Variants in TACO1 observed in about 807,000 individuals in gnomAD.
The protein encoded by TACO1 is translational activator of cytochrome c oxidase I.
TACO1 carries 13 observed loss-of-function variants against 24.0 expected under a neutral mutation model. That is an observed-to-expected ratio of 0.54 (90% confidence interval 0.35 to 0.86). The LOEUF (loss-of-function observed/expected upper bound fraction) is 0.86. Among genes scored for constraint, TACO1 ranks in the 40% least tolerant of loss-of-function variants. The pLI, the probability that TACO1 is intolerant of heterozygous loss-of-function variation, is 0.01. For missense variants in TACO1, 352 were observed against 380.1 expected (o/e 0.93, Z 0.61); for synonymous variants, 149 against 153.5 (o/e 0.97, Z 0.22).
At position 63,604,523 on chromosome 17, in the gene TACO1, T is replaced by G; in HGVS notation, c.281-11T>G. ...TGCTCACTCTTTTTTTTCTTTTTCT[T>G]TAAATCTCAGAAGGAGGCCCCAACC... On this transcript the variant is annotated splice_polypyrimidine_tract_variant and intron_variant, in intron 1 of 4. Coordinates refer to ENST00000258975, the MANE Select transcript of TACO1 (RefSeq NM_016360.4). 6.2e-7 allele frequency: 1 copy of G among 1,611,972 alleles called. No homozygotes were observed. Among genetic ancestry groups the G allele is most frequent in the Non-Finnish European group, 8.5e-7 (1 of 1,178,116 alleles).
At position 63,604,580 on chromosome 17, in the gene TACO1, A is replaced by G. The variant is rs149794197; in HGVS notation, c.327A>G (p.Leu109=). ...PEHNSNLANI[L]EVCRSKHMPK... ...ACAACAGCAACCTGGCCAATATCTTAGAGGTGTGTCGCAGCAAACATATGC... is the reference window on the plus strand; with the variant it reads ...ACAACAGCAACCTGGCCAATATCTTGGAGGTGTGTCGCAGCAAACATATGC... The change falls in exon 2 of 5, where the codon TTA becomes TTG. Residue 109 remains leucine (L), a synonymous_variant. Transcript: ENST00000258975. 2.4e-4 allele frequency: 384 copies of G among 1,614,134 alleles called. 5 individuals carry two copies. In the South Asian group the frequency reaches 2.4e-3, roughly 10 times the overall value.
chr17:63,607,699 A>T (rs1167914493), intron 4 of TACO1, 103 bp from the exon 5 acceptor site: 7 of 1,170,886 alleles, frequency 6.0e-6, no homozygotes, highest in Non-Finnish European at 7.6e-6. Context: ...GCTCAAACCC[A>T]GTGATCCATT....
At chr17:63,603,175 G>A (rs774290126) in intron 1 of TACO1, among the ~76,000 whole-genome samples, 2 of 152,020 alleles carry the variant, frequency 1.3e-5, no homozygotes, top group Non-Finnish European at 2.9e-5. Context: ...GGCGGCGCTT[G>A]CAGTGAGCCG....
chr17:63,608,073 G>A lies in TACO1; in HGVS notation c.*71G>A. ...CCATTCCAGCACACAGGCTTCTGCA[G>A]CAATCTCTGAGGGTAAAGCCGGTGG... is the stretch of plus-strand genomic sequence containing the variant. On this transcript the variant is annotated 3_prime_UTR_variant, in exon 5 of 5. Coordinates refer to ENST00000258975, the MANE Select transcript of TACO1 (RefSeq NM_016360.4). 1.3e-6 allele frequency: 2 copies of A among 1,556,652 alleles called. No individual in the cohort carries two copies. Among genetic ancestry groups the A allele is most frequent in the Non-Finnish European group, 1.8e-6 (2 of 1,136,460 alleles).
chr17:63,601,590 G>C lies in TACO1; in HGVS notation c.280+227G>C, dbSNP rs542127082. Among the ~76,000 whole-genome samples, 4 of 152,336 alleles carry C rather than the reference G, an allele frequency of 2.6e-5. No individual in the cohort carries two copies. In the East Asian group the frequency reaches 5.8e-4, roughly 22 times the overall value. ...GAGCATCTGGCCAGTTTGTCAGAGA[G>C]GGAGCTGCTCTTAAGAAGATAAGCC... On this transcript the variant is annotated intron_variant, in intron 1 of 4. Coordinates refer to ENST00000258975, the MANE Select transcript of TACO1 (RefSeq NM_016360.4).
chr17:63,606,281 A>G, intron 2 of TACO1, 32 bp from the exon 3 acceptor site: 1 of 1,612,404 alleles, frequency 6.2e-7, no homozygotes. Context: ...GAATTGGGAA[A>G]CAGGAAAATG....
In TACO1 at chr17:63,600,899, C is replaced by A. The variant is rs2033814237; in HGVS notation, c.-185C>A. 1 of 624,806 alleles carries A rather than the reference C, an allele frequency of 1.6e-6. No individual in the cohort carries two copies. Among genetic ancestry groups the A allele is most frequent in the Non-Finnish European group, 2.7e-6 (1 of 368,520 alleles). 38.7% of individuals were successfully genotyped at this position (624,806 alleles called of 1,614,324 possible). The stretch of plus-strand genomic sequence containing the variant: ...GCTACGCCATCAAGGGCCCCCAGTC[C>A]CGGGTGCCGCGGGGACAGTGTAGGG... On this transcript the variant is annotated 5_prime_UTR_variant, in exon 1 of 5. Coordinates refer to ENST00000258975, the MANE Select transcript of TACO1 (RefSeq NM_016360.4).
At chr17:63,607,551 G>A (rs149540918) in intron 4 of TACO1, 87 bp downstream of exon 4, 7 of 1,383,716 alleles carry the variant, frequency 5.1e-6, no homozygotes, top group Middle Eastern at 1.8e-4. Context: ...CTTCCTTCAT[G>A]TGCCCCAGGG....
At position 63,608,178 on chromosome 17, in the gene TACO1, GTCAGC is replaced by G; in HGVS notation, c.*179_*183del. On this transcript the variant is annotated 3_prime_UTR_variant, in exon 5 of 5. Coordinates refer to ENST00000258975, the MANE Select transcript of TACO1 (RefSeq NM_016360.4). ...GGAATCTCACTTGTGGGGCCTCCTT[GTCAGC>G]TCTGCTGCTGTCTCAGAGCCATCTG... The G allele has an allele frequency of 1.4e-6, 1 of 711,014 alleles. No homozygotes were observed. The highest frequency in any genetic ancestry group is 2.5e-6 in the Non-Finnish European group (1 of 407,352). The allele number at this position is 711,014 out of a possible 1,614,324, so 44.0% of individuals were successfully genotyped here. A position where few individuals can be genotyped will look rare whatever the true frequency, so the allele number is the denominator to read the frequency against.
Position 63,604,680 on chromosome 17 carries a change from C to G in TACO1, c.387+40C>G. 3 of 1,567,092 alleles carry G rather than the reference C, an allele frequency of 1.9e-6. 1 individual carries two copies. The South Asian group carries it at 3.3e-5, about 17-fold the overall frequency. On this transcript the variant is annotated intron_variant, in intron 2 of 4. Transcript: ENST00000258975. ...ACATGCTTTTTATTGATCACAGCCTCTACCGGGCTCATGTCTGGATGGCCA... is the reference window on the plus strand; with the variant it reads ...ACATGCTTTTTATTGATCACAGCCTGTACCGGGCTCATGTCTGGATGGCCA...
chr17:63,607,123 T>C (rs140349732), intron 3 of TACO1, 164 bp from the exon 4 acceptor site: 24 of 721,732 alleles, frequency 3.3e-5, no homozygotes, highest in Non-Finnish European at 4.6e-5. Context: ...GCTGTTCCCT[T>C]ACCCAGCAGC....
Position 63,601,096 on chromosome 17 carries a change from G to A in TACO1, c.13G>A (p.Ala5Thr). The change falls in exon 1 of 5, where the codon GCT (alanine) becomes ACT (threonine). Residue 5 changes from alanine to threonine, a missense_variant. By Grantham distance (58) the Ala-to-Thr change is moderately conservative (BLOSUM62 0). Transcript: ENST00000258975. ...AGGGTCGGGACCGATGTCGGCTTGG[G>A]CTGCTGCCAGCCTAAGCAGGGCCGC... MSAW[A>T]AASLSRAAAR... 6.5e-7 allele frequency: 1 copy of A among 1,541,396 alleles called. No homozygotes were observed. The highest frequency in any genetic ancestry group is 8.7e-7 in the Non-Finnish European group (1 of 1,146,022).
chr17:63,607,809 G>A lies in TACO1; in HGVS notation c.701G>A (p.Cys234Tyr), dbSNP rs776299397. The stretch of plus-strand genomic sequence containing the variant: ...ACTTTCCTTTATCCCTAGTTTATTT[G>A]TGATGCCTCTTCACTGCACCAAGTG... ...EEERNVFKFI[C>Y]DASSLHQVRK... Residue 234 changes from cysteine (C) to tyrosine (Y), a missense_variant, in exon 5 of 5, where the codon TGT becomes TAT. Cys to Tyr is a radical substitution (Grantham distance 194). Transcript: ENST00000258975. 1 of 1,613,916 alleles carries A rather than the reference G, an allele frequency of 6.2e-7. No individual in the cohort carries two copies. Among genetic ancestry groups the A allele is most frequent in the Non-Finnish European group, 8.5e-7 (1 of 1,179,992 alleles).
intron 1 of TACO1, among the ~76,000 whole-genome samples, chr17:63,604,118 A>G (rs551557733): frequency 6.6e-6 from 1 of 151,762 alleles, no homozygotes; most frequent in Admixed American, 6.6e-5. Context: ...TGTGTGGATC[A>G]CCTGAGGTCA....
chr17:63,607,679 C>T, intron 4 of TACO1, 123 bp from the exon 5 acceptor site: 1 of 1,035,464 alleles, frequency 9.7e-7, no homozygotes, highest in South Asian at 1.3e-5. Flanking sequence ...GATGTCCCTG[C>T]CAGTGAAGAG....
At chr17:63,606,673 G>T in intron 3 of TACO1, 1 of 532,850 alleles carries the variant, frequency 1.9e-6, no homozygotes, top group Admixed American at 3.1e-5. Flanking sequence ...AGCCTCCTGA[G>T]TAGCTGGGAT....
intron 4 of TACO1, 148 bp from the exon 5 acceptor site, chr17:63,607,654 C>G: frequency 1.0e-6 from 1 of 967,026 alleles, no homozygotes; most frequent in Non-Finnish European, 1.6e-6. Context: ...AAGAAAGAGT[C>G]AAAACATTGA....
chr17:63,605,560 C>G lies in TACO1; in HGVS notation c.388-753C>G, dbSNP rs149220439. On this transcript the variant is annotated intron_variant, in intron 2 of 4. Coordinates refer to ENST00000258975, the MANE Select transcript of TACO1 (RefSeq NM_016360.4). The stretch of plus-strand genomic sequence containing the variant: ...ATGTTAGGTGAGTTGACTCAAGTCG[C>G]ATAGAAAATGACAGACTTGAAACCA... 2.4e-3 allele frequency among the ~76,000 whole-genome samples: 360 copies of G among 152,274 alleles called. 2 individuals are homozygous for G. The highest frequency in any genetic ancestry group is 2.7e-3 in the Non-Finnish European group (185 of 68,018).
At chr17:63,607,544 C>A in intron 4 of TACO1, 80 bp downstream of exon 4, 1 of 1,433,376 alleles carries the variant, frequency 7.0e-7, no homozygotes, top group Non-Finnish European at 9.8e-7. Flanking sequence ...TTGGTTTCTT[C>A]CTTCATGTGC....
Sources: gnomAD v4.1 joint callset for allele counts (sites outside exome capture counted in the v4.1 genomes callset) on GRCh38, gnomAD v4.1.1 for gene constraint, MANE v1.5 for transcripts, NCBI Gene and HGNC (gene_info 2026-07-23, HGNC 2026-07-21) for gene names.